Variants in TLN1 observed in about 807,000 individuals in gnomAD.
TLN1 encodes talin 1, also known as talin-1.
Under a neutral mutation model 292.3 loss-of-function variants are expected in TLN1, and 56 were observed. The ratio of observed to expected loss-of-function variants is 0.19; its 90% CI spans 0.15 to 0.24. TLN1 has a LOEUF of 0.24. Ranked by LOEUF, TLN1 falls within the 10% of genes least tolerant of loss-of-function variation. The pLI is 1.00. For missense variants in TLN1, 2,433 were observed against 3,248.2 expected, an observed-to-expected ratio of 0.75 and a Z score of 6.10; for synonymous variants, 1,119 against 1,253.7, an observed-to-expected ratio of 0.89 and a Z score of 2.27.
chr9:35,719,394 C>T lies in TLN1; in HGVS notation c.1688-112G>A. Reference sequence around the variant, plus strand: ...TCACACACATGTCCACAGAAAGACGCACACACACAGTCCCTTCCACAGTGA... The same window carrying T: ...TCACACACATGTCCACAGAAAGACGTACACACACAGTCCCTTCCACAGTGA... On this transcript the variant is annotated intron_variant, in intron 15 of 56. Coordinates refer to ENST00000314888, the MANE Select transcript of TLN1 (RefSeq NM_006289.4). The surrounding 1 kb of genome is among the most constrained non-coding windows in gnomAD (Gnocchi z 4.6). 7.4e-7 allele frequency: 1 copy of T among 1,347,160 alleles called. No individual in the cohort carries two copies. 83.5% of individuals were successfully genotyped at this position (1,347,160 alleles called of 1,614,324 possible). A position where few individuals can be genotyped will look rare whatever the true frequency, so the allele number is the denominator to read the frequency against.
intron 20 of TLN1, among the ~76,000 whole-genome samples, chr9:35,715,882 AAAGTT>A (rs763695589): frequency 2.8e-4 from 42 of 152,200 alleles, no homozygotes; most frequent in Non-Finnish European, 4.4e-4. Context: ...TAGGATGACT[AAAGTT>A]AAGACTATTA....
chr9:35,711,089 G>T lies in TLN1; in HGVS notation c.4020-7C>A. On this transcript the variant is annotated splice_region_variant and splice_polypyrimidine_tract_variant and intron_variant, in intron 30 of 56. Transcript: ENST00000314888. ...GATGCTGTCAGTTACTGCCCTGGGA[G>T]TGACAGAAAGTTGAGTGAAAAGGTG... The T allele has an allele frequency of 6.2e-7, 1 of 1,614,116 alleles. No individual in the cohort carries two copies.
chr9:35,702,098 A>G (rs1825475893), intron 48 of TLN1, among the ~76,000 whole-genome samples: 1 of 152,206 alleles, frequency 6.6e-6, no homozygotes, highest in Non-Finnish European at 1.5e-5. Flanking sequence ...CAGAGTGCGG[A>G]CAGGGAACCA....
chr9:35,703,244 CTGAGA>C (rs1204370972), intron 48 of TLN1, among the ~76,000 whole-genome samples: 1 of 152,136 alleles, frequency 6.6e-6, no homozygotes, highest in African/African-American at 2.4e-5. Flanking sequence ...TTGTAGTGAG[CTGAGA>C]TCACGCCACT....
At chr9:35,713,423 C>G in intron 25 of TLN1, 125 bp from the exon 26 acceptor site, 2 of 695,232 alleles carry the variant, frequency 2.9e-6, no homozygotes, top group Non-Finnish European at 4.7e-6. Context: ...ATGGCTCCCA[C>G]CTATAATCCT....
At position 35,707,759 on chromosome 9, in the gene TLN1, C is replaced by T; in HGVS notation, c.4604G>A (p.Ser1535Asn). The T allele has an allele frequency of 6.2e-7, 1 of 1,614,138 alleles. No individual in the cohort carries two copies. The highest frequency in any genetic ancestry group is 8.5e-7 in the Non-Finnish European group (1 of 1,180,020). ...FVQSAKEVAN[S>N]TANLVKTIKA... is the part of the protein sequence containing the mutation. ...GATGGTCTTGACAAGATTAGCTGTG[C>T]TGTTGGCCACCTCCTTGGCTGACTG... Residue 1535 changes from serine to asparagine, a missense_variant, in exon 35 of 57, where the codon AGC (serine) becomes AAC (asparagine). Physicochemically the swap from Ser to Asn is conservative, Grantham distance 46 (BLOSUM62 1). Coordinates refer to ENST00000314888, the MANE Select transcript of TLN1 (RefSeq NM_006289.4). The surrounding 1 kb of genome is among the most constrained non-coding windows in gnomAD (Gnocchi z 5.6).
At position 35,713,242 on chromosome 9, in the gene TLN1, G is replaced by T; in HGVS notation, c.3306C>A (p.Ile1102=). 1 of 1,599,676 alleles carries T rather than the reference G, an allele frequency of 6.3e-7. No individual in the cohort carries two copies. The highest frequency in any genetic ancestry group is 8.6e-7 in the Non-Finnish European group (1 of 1,167,914). Residue 1102 remains isoleucine (I), a synonymous_variant, in exon 26 of 57, where the codon ATC becomes ATA. Coordinates refer to ENST00000314888, the MANE Select transcript of TLN1 (RefSeq NM_006289.4). The part of the protein sequence containing the change: ...GNSTKAVSSA[I]AQLLGEVAQG... ...GGGCAACCTCTCCCAGTAGCTGGGCGATGGCTGAGCTCACGGCTTTGGTGC... is the reference window on the plus strand; with the variant it reads ...GGGCAACCTCTCCCAGTAGCTGGGCTATGGCTGAGCTCACGGCTTTGGTGC...
Position 35,713,016 on chromosome 9 carries a change from C to G in TLN1, c.3380G>C (p.Gly1127Ala). 1 of 1,609,326 alleles carries G rather than the reference C, an allele frequency of 6.2e-7. No homozygotes were observed. Among genetic ancestry groups the G allele is most frequent in the South Asian group, 1.1e-5 (1 of 90,564 alleles). The change falls in exon 27 of 57, where the codon GGG (glycine) becomes GCG (alanine). Residue 1127 changes from glycine (G) to alanine (A), a missense_variant. Coordinates refer to ENST00000314888, the MANE Select transcript of TLN1 (RefSeq NM_006289.4). ...AGCGGCCTGGGCCAGTGACCGCAGC[C>G]CACCTGCCACATCCCGAGCTGCAAT... is the stretch of plus-strand genomic sequence containing the variant. ...AGIAARDVAG[G>A]LRSLAQAARG...
chr9:35,707,941 C>T lies in TLN1; in HGVS notation c.4471-49G>A. On this transcript the variant is annotated intron_variant, in intron 34 of 56. Coordinates refer to ENST00000314888, the MANE Select transcript of TLN1 (RefSeq NM_006289.4). The surrounding 1 kb of genome is among the most constrained non-coding windows in gnomAD (Gnocchi z 5.6). ...ACGATGAGGGCAGGAAGGAGGTGTA[C>T]ATACCCAAGGAGGAGCCATTTTAGG... The T allele has an allele frequency of 6.3e-7, 1 of 1,598,764 alleles. No individual in the cohort carries two copies. The highest frequency in any genetic ancestry group is 8.6e-7 in the Non-Finnish European group (1 of 1,169,304).
chr9:35,713,738 AGAG>A (rs371130309), intron 25 of TLN1, among the ~76,000 whole-genome samples: 27 of 151,554 alleles, frequency 1.8e-4, no homozygotes, highest in African/African-American at 6.3e-4. Context: ...AAGAAAAGAA[AGAG>A]GAGAGGAAAG....
In TLN1 at chr9:35,724,476, C is replaced by A. The variant is rs536064655; in HGVS notation, c.511+96G>T. On this transcript the variant is annotated intron_variant, in intron 5 of 56. Coordinates refer to ENST00000314888, the MANE Select transcript of TLN1 (RefSeq NM_006289.4). This position sits in a 1 kb window ranked among gnomAD's most constrained non-coding sequence, Gnocchi z 4.7. ...GGACTTTGTTTTCTCACTGATGTAT[C>A]CCCAGGGTGTAAAACAGTGCCTGGC... The A allele has an allele frequency of 1.3e-6, 2 of 1,563,082 alleles. No individual in the cohort carries two copies. Among genetic ancestry groups the A allele is most frequent in the African/African-American group, 1.4e-5 (1 of 73,360 alleles).
At chr9:35,729,420 G>A (rs1826031172) in intron 1 of TLN1, among the ~76,000 whole-genome samples, 1 of 150,742 alleles carries the variant, frequency 6.6e-6, no homozygotes, top group Admixed American at 6.6e-5. Flanking sequence ...GCAGTGGTGG[G>A]GAAGTCAGGG....
intron 33 of TLN1, 143 bp downstream of exon 33, chr9:35,710,418 C>T (rs1825646867): frequency 8.3e-7 from 1 of 1,201,206 alleles, no homozygotes; most frequent in Admixed American, 2.4e-5. Context: ...AGTGTCTCCA[C>T]TTCAGGAGGA....
Position 35,714,865 on chromosome 9 carries a change from C to T in TLN1, c.2766G>A (p.Lys922=), listed in dbSNP as rs1423763224. The change falls in exon 22 of 57, where the codon AAG becomes AAA. Residue 922 remains lysine, a synonymous_variant. Coordinates refer to ENST00000314888, the MANE Select transcript of TLN1 (RefSeq NM_006289.4). This position sits in a 1 kb window ranked among gnomAD's most constrained non-coding sequence, Gnocchi z 4.6. ...KLVQRLEHAA[K]QAAASATQTI... Reference sequence around the variant, plus strand: ...TCTGTGTGGCTGAGGCTGCAGCCTGCTTGGCTGCATGCTGTGAAGACAAGA... The same window carrying T: ...TCTGTGTGGCTGAGGCTGCAGCCTGTTTGGCTGCATGCTGTGAAGACAAGA... The T allele has an allele frequency of 6.4e-7, 1 of 1,572,174 alleles. No individual in the cohort carries two copies. The highest frequency in any genetic ancestry group is 8.6e-7 in the Non-Finnish European group (1 of 1,158,582).
intron 1 of TLN1, among the ~76,000 whole-genome samples, chr9:35,727,164 TG>T (rs375668212): frequency 2.2e-4 from 33 of 152,168 alleles, no homozygotes; most frequent in African/African-American, 7.5e-4. Context: ...GTACAGGGAT[TG>T]GGTGCCTCTT....
At chr9:35,730,291 TGAGTA>T (rs1826050916) in intron 1 of TLN1, among the ~76,000 whole-genome samples, 2 of 151,922 alleles carry the variant, frequency 1.3e-5, no homozygotes, top group Admixed American at 6.6e-5. Context: ...TGGGTCAGGC[TGAGTA>T]GAGGATAGTG....
At chr9:35,722,382 A>G (rs764590171) in intron 8 of TLN1, among the ~76,000 whole-genome samples, 159 bp from the exon 9 acceptor site, 3 of 152,244 alleles carry the variant, frequency 2.0e-5, no homozygotes, top group Non-Finnish European at 2.9e-5. Context: ...GGAGGCTGAT[A>G]AGGGCTATGC....
Position 35,706,287 on chromosome 9 carries a change from T to C in TLN1, c.5270A>G (p.Gln1757Arg), listed in dbSNP as rs376156981. 121 of 1,613,842 alleles carry C rather than the reference T, an allele frequency of 7.5e-5. No homozygotes were observed. The highest frequency in any genetic ancestry group is 9.7e-5 in the Non-Finnish European group (114 of 1,179,870). The change falls in exon 40 of 57, where the codon CAG becomes CGG. Residue 1757 changes from glutamine to arginine, a missense_variant. This residue lies in a region of TLN1 where 1,384 missense variants were observed against 1,699.6 expected (regional missense o/e 0.81). Transcript: ENST00000314888. This position sits in a 1 kb window ranked among gnomAD's most constrained non-coding sequence, Gnocchi z 4.2. ...AGTCTGGTCCAGGAGTGCCATCTGC[T>C]GCGGGTGGCTCAGGGTCTTGGAGGC... ...GAASKTLSHP[Q>R]QMALLDQTKT...
At position 35,704,012 on chromosome 9, in the gene TLN1, T is replaced by A. The variant is rs1182529936; in HGVS notation, c.6210A>T (p.Gly2070=). The part of the protein sequence containing the change: ...DVVKLGAASL[G]AEDPETQVVL... ...CTACCTGGGTCTCAGGGTCCTCAGC[T>A]CCCAGGCTGGCTGCACCCAGCTTGA... is the stretch of plus-strand genomic sequence containing the variant. Residue 2070 remains glycine (G), a synonymous_variant, in exon 46 of 57, where the codon GGA becomes GGT. Transcript: ENST00000314888. The surrounding 1 kb of genome is among the most constrained non-coding windows in gnomAD (Gnocchi z 6.9). The A allele has an allele frequency of 2.5e-6, 4 of 1,613,034 alleles. No individual in the cohort carries two copies. Among genetic ancestry groups the A allele is most frequent in the Non-Finnish European group, 3.4e-6 (4 of 1,179,260 alleles).
Sources: allele counts gnomAD v4.1 joint callset (sites outside exome capture counted in the v4.1 genomes callset), GRCh38; gene constraint gnomAD v4.1.1; regional missense constraint gnomAD v4.1.1; non-coding constraint Gnocchi (gnomAD v3.1); transcripts MANE v1.5; gene names NCBI Gene and HGNC (gene_info 2026-07-23, HGNC 2026-07-21).